The following PTPRM variants were observed in gnomAD, a reference collection of about 807,000 sequenced individuals.
PTPRM encodes receptor-type tyrosine-protein phosphatase mu.
PTPRM carries 47 observed loss-of-function variants against 186.7 expected under a neutral mutation model. The observed-to-expected ratio is 0.25, with a 90% CI of 0.20 to 0.32. PTPRM has a LOEUF of 0.32. PTPRM is among the 10% of genes least tolerant of loss of function. PTPRM has a pLI of 1.00. For synonymous variants in PTPRM, 668 were observed against 674.9 expected, an observed-to-expected ratio of 0.99 and a Z score of 0.16; for missense variants, 1,494 against 1,865.0, an observed-to-expected ratio of 0.80 and a Z score of 3.66.
At chr18:8,284,976 C>G (rs1438074252) in intron 19 of PTPRM, among the ~76,000 whole-genome samples, 1 of 152,178 alleles carries the variant, frequency 6.6e-6, no homozygotes, top group Non-Finnish European at 1.5e-5. Context: ...AGAGCTCCTC[C>G]TATGTTCCAG....
chr18:8,297,289 G>A (rs1041504714), intron 20 of PTPRM, among the ~76,000 whole-genome samples: 5 of 152,162 alleles, frequency 3.3e-5, no homozygotes, highest in African/African-American at 1.2e-4. Flanking sequence ...CTCGCTCCTC[G>A]TGTCTCATTT....
At chr18:8,288,412 T>C (rs2094982153) in intron 19 of PTPRM, among the ~76,000 whole-genome samples, 1 of 152,156 alleles carries the variant, frequency 6.6e-6, no homozygotes, top group South Asian at 2.1e-4. Context: ...AACTGTTTTT[T>C]AGGGAACAAA....
At chr18:7,958,207 C>CAAAAAAAAAAAA (rs534178363) in intron 7 of PTPRM, among the ~76,000 whole-genome samples, 10 of 115,278 alleles carry the variant, frequency 8.7e-5, no homozygotes, top group African/African-American at 3.3e-4. Context: ...CCATCCCCTG[C>CAAAAAAAAAAAA]AAAAAAAAAA....
chr18:8,254,453 C>T (rs1028378323), intron 19 of PTPRM, among the ~76,000 whole-genome samples: 2 of 152,130 alleles, frequency 1.3e-5, no homozygotes, highest in Non-Finnish European at 2.9e-5. Context: ...AAAATCAGTC[C>T]GCAGTCATTG....
intron 1 of PTPRM, among the ~76,000 whole-genome samples, chr18:7,595,097 A>G (rs1941135): frequency 0.25 from 38,504 of 152,058 alleles, 7,462 homozygotes; most frequent in East Asian, 0.62. Flanking sequence ...TGATGTTGAC[A>G]GAAGACAAGC....
In PTPRM at chr18:7,617,358, A is replaced by T. The variant is rs536637674; in HGVS notation, c.73+49467A>T. 3.3e-5 allele frequency among the ~76,000 whole-genome samples: 5 copies of T among 152,220 alleles called. No individual in the cohort carries two copies. In the East Asian group the frequency reaches 9.7e-4, roughly 30 times the overall value. On this transcript the variant is annotated intron_variant, in intron 1 of 32. Transcript: ENST00000580170. ...GTCTTGCTGCAGTGTCCCCTGCTTG[A>T]TGATTTTCTAGTGGCTGCAATATAT...
chr18:7,775,502 G>A (rs915897949), intron 2 of PTPRM, among the ~76,000 whole-genome samples: 1 of 152,026 alleles, frequency 6.6e-6, no homozygotes, highest in Admixed American at 6.6e-5. Flanking sequence ...TGGGGCCGTC[G>A]TTTCCCAAAC....
intron 22 of PTPRM, among the ~76,000 whole-genome samples, chr18:8,322,788 C>T (rs1226666911): frequency 6.6e-6 from 1 of 152,068 alleles, no homozygotes; most frequent in Non-Finnish European, 1.5e-5. Flanking sequence ...TGGTGGCAGC[C>T]ATGGGGGCCC....
intron 13 of PTPRM, among the ~76,000 whole-genome samples, chr18:8,142,763 C>T (rs2146109582): frequency 6.6e-6 from 1 of 152,318 alleles, no homozygotes; most frequent in Non-Finnish European, 1.5e-5. Flanking sequence ...TCATCACATT[C>T]TGATTTTAAA....
chr18:7,595,990 C>T (rs2037247761), intron 1 of PTPRM, among the ~76,000 whole-genome samples: 1 of 152,118 alleles, frequency 6.6e-6, no homozygotes, highest in African/African-American at 2.4e-5. Context: ...AGATGGTTTT[C>T]TTGGAAAAAG....
At chr18:7,830,072 A>G (rs996367746) in intron 2 of PTPRM, among the ~76,000 whole-genome samples, 1 of 152,178 alleles carries the variant, frequency 6.6e-6, no homozygotes, top group Non-Finnish European at 1.5e-5. Flanking sequence ...ACCTAATTCA[A>G]TATACTTCAT....
At chr18:8,308,915 C>T (rs1241291340) in intron 20 of PTPRM, among the ~76,000 whole-genome samples, 1 of 152,186 alleles carries the variant, frequency 6.6e-6, no homozygotes, top group Admixed American at 6.5e-5. Context: ...AGAATGTTTC[C>T]ATCAGCACAG....
chr18:8,340,722 A>G (rs982905025), intron 22 of PTPRM, among the ~76,000 whole-genome samples: 3 of 151,992 alleles, frequency 2.0e-5, no homozygotes, highest in Non-Finnish European at 2.9e-5. Flanking sequence ...CACAGTTACA[A>G]CTCCATAGGA....
intron 19 of PTPRM, among the ~76,000 whole-genome samples, chr18:8,268,359 C>T (rs2094727813): frequency 6.6e-6 from 1 of 151,984 alleles, no homozygotes; most frequent in South Asian, 2.1e-4. Flanking sequence ...TGGGTAAATT[C>T]CTAGAAACGT....
intron 7 of PTPRM, among the ~76,000 whole-genome samples, chr18:8,008,853 A>G (rs988413077): frequency 3.3e-5 from 5 of 152,192 alleles, no homozygotes; most frequent in African/African-American, 1.2e-4. Flanking sequence ...ATGAAAAGAT[A>G]CAAGAGCTGA....
rs566105161 is a variant in PTPRM, at chr18:7,691,194, G to C, written c.74-82955G>C. Among the ~76,000 whole-genome samples, 4 of 152,084 alleles carry C rather than the reference G, an allele frequency of 2.6e-5. No individual in the cohort carries two copies. In the East Asian group the frequency reaches 7.7e-4, roughly 29 times the overall value. On this transcript the variant is annotated intron_variant, in intron 1 of 32. Transcript: ENST00000580170. ...AATATATGTAAATCAGAGTGCTTTT[G>C]CGTTTGGAAATATTGGAAGCAAAAA...
intron 22 of PTPRM, among the ~76,000 whole-genome samples, chr18:8,336,651 GAGA>G (rs1351411166): frequency 2.5e-4 from 35 of 140,614 alleles, no homozygotes; most frequent in East Asian, 1.3e-3. Context: ...GAAAAAGAAG[GAGA>G]AGAAGGAGGA....
chr18:7,900,505 A>G (rs1001957516), intron 3 of PTPRM, among the ~76,000 whole-genome samples: 1 of 152,266 alleles, frequency 6.6e-6, no homozygotes, highest in Non-Finnish European at 1.5e-5. Context: ...ATAAATCTGG[A>G]TGTAAAAATT....
chr18:7,692,960 T>A (rs2039766260), intron 1 of PTPRM, among the ~76,000 whole-genome samples: 2 of 152,294 alleles, frequency 1.3e-5, no homozygotes, highest in South Asian at 4.1e-4. Flanking sequence ...AATCTGAAAA[T>A]GATGTCCTGG....
Sources: gnomAD v4.1 joint callset for allele counts (sites outside exome capture counted in the v4.1 genomes callset) on GRCh38, gnomAD v4.1.1 for gene constraint, MANE v1.5 for transcripts, NCBI Gene and HGNC (gene_info 2026-07-23, HGNC 2026-07-21) for gene names.